KLHL14: variants seen among roughly 807,000 people sequenced by gnomAD.
KLHL14 encodes the protein kelch like family member 14, also known as kelch-like protein 14.
A neutral mutation model predicts 64.3 loss-of-function variants in KLHL14; 22 were observed. The observed-to-expected ratio is 0.34, with a 90% CI of 0.24 to 0.49. The LOEUF (loss-of-function observed/expected upper bound fraction) is 0.49. Among genes scored for constraint, KLHL14 ranks in the 20% least tolerant of loss-of-function variants. The pLI is 0.99. For missense variants in KLHL14, 661 were observed against 789.0 expected (o/e 0.84, Z 1.94); for synonymous variants, 322 against 333.4 (o/e 0.97, Z 0.37).
chr18:32,722,815 C>T (rs551194364), intron 3 of KLHL14, among the ~76,000 whole-genome samples: 4 of 152,176 alleles, frequency 2.6e-5, no homozygotes, highest in South Asian at 4.2e-4. Flanking sequence ...ATTAGCCAGG[C>T]GTGATGGCAC....
Position 32,741,906 on chromosome 18 carries a change from A to T in KLHL14, c.1069+22T>A, listed in dbSNP as rs368927999. On this transcript the variant is annotated intron_variant, in intron 3 of 8. Transcript: ENST00000359358. ...CCTGAAATAAATAGGTGAGTGAATA[A>T]ATAAATAAATAATGCACTCACTTGT... The T allele has an allele frequency of 1.1e-4, 170 of 1,547,102 alleles. No individual in the cohort carries two copies. The African/African-American group carries it at 2.1e-3, about 19-fold the overall frequency.
At chr18:32,760,180 C>G (rs1243329877) in intron 2 of KLHL14, among the ~76,000 whole-genome samples, 1 of 152,092 alleles carries the variant, frequency 6.6e-6, no homozygotes, top group Non-Finnish European at 1.5e-5. Flanking sequence ...CTAATAATTC[C>G]TCACTCAGCA....
intron 3 of KLHL14, among the ~76,000 whole-genome samples, chr18:32,722,026 T>C (rs917431735): frequency 1.3e-5 from 2 of 152,138 alleles, no homozygotes; most frequent in Non-Finnish European, 2.9e-5. Flanking sequence ...GTTCTTGTGA[T>C]AGTGAATAAG....
At chr18:32,745,539 C>T (rs556883231) in intron 2 of KLHL14, 2 of 152,270 alleles carry the variant, frequency 1.3e-5, no homozygotes, top group African/African-American at 4.8e-5. Flanking sequence ...TTACAGAAAA[C>T]TATGAAGATT....
In KLHL14 at chr18:32,674,501, A is replaced by T; in HGVS notation, c.*156T>A. 3.2e-6 allele frequency: 2 copies of T among 627,300 alleles called. No individual in the cohort carries two copies. Among genetic ancestry groups the T allele is most frequent in the South Asian group, 4.2e-5 (2 of 47,786 alleles). The allele number at this position is 627,300 out of a possible 1,614,324, so 38.9% of individuals were successfully genotyped here. A position where few individuals can be genotyped will look rare whatever the true frequency, so the allele number is the denominator to read the frequency against. On this transcript the variant is annotated 3_prime_UTR_variant, in exon 9 of 9. Transcript: ENST00000359358. The stretch of plus-strand genomic sequence containing the variant: ...ATAGACATAGTATCTGTTCAAGAAC[A>T]GGTCTCTTTCTTTTGTAGTTACTTA...
In KLHL14 at chr18:32,680,709, C is replaced by A. The variant is rs183316660; in HGVS notation, c.1239-110G>T. On this transcript the variant is annotated intron_variant, in intron 5 of 8. Coordinates refer to ENST00000359358, the MANE Select transcript of KLHL14 (RefSeq NM_020805.3). This position sits in a 1 kb window ranked among gnomAD's most constrained non-coding sequence, Gnocchi z 4.8. ...TCAGGGAAAGGGGTGCATTCTGCTT[C>A]AGAAAGGGTTGCAAATCTTTAAAAA... 5,674 of 1,053,340 alleles carry A rather than the reference C, an allele frequency of 5.4e-3. 17 individuals carry two copies. Among genetic ancestry groups the A allele is most frequent in the Non-Finnish European group, 6.6e-3 (4,901 of 740,036 alleles). The allele number at this position is 1,053,340 out of a possible 1,614,324, so 65.2% of individuals were successfully genotyped here.
chr18:32,710,480 A>C (rs2050013660), intron 3 of KLHL14, among the ~76,000 whole-genome samples: 1 of 152,188 alleles, frequency 6.6e-6, no homozygotes, highest in Admixed American at 6.5e-5. Flanking sequence ...TGACATTTGC[A>C]TGAGAAGGAT....
chr18:32,716,714 C>A (rs1224748782), intron 3 of KLHL14, among the ~76,000 whole-genome samples: 1 of 152,180 alleles, frequency 6.6e-6, no homozygotes, highest in Non-Finnish European at 1.5e-5. Context: ...CCTCTGCACC[C>A]AGCCCTAGCT....
intron 3 of KLHL14, among the ~76,000 whole-genome samples, chr18:32,708,973 C>T (rs1482965242): frequency 6.6e-6 from 1 of 152,206 alleles, no homozygotes; most frequent in African/African-American, 2.4e-5. Context: ...AGCCTCCTCA[C>T]GGGTCTCCTT....
At chr18:32,759,367 G>A (rs2050301927) in intron 2 of KLHL14, among the ~76,000 whole-genome samples, 2 of 152,154 alleles carry the variant, frequency 1.3e-5, no homozygotes, top group South Asian at 2.1e-4. Flanking sequence ...TATGGAAGTG[G>A]AAGTCCTAAC....
Position 32,770,514 on chromosome 18 carries a change from C to G in KLHL14, c.78G>C (p.Leu26=). ...CGTCGCAAAACAGCTGCTTCCTCCACAGCAGGTTGAGGCCGTGCAGCAGGT... is the reference window on the plus strand; with the variant it reads ...CGTCGCAAAACAGCTGCTTCCTCCAGAGCAGGTTGAGGCCGTGCAGCAGGT... The part of the protein sequence containing the change: ...SDNLLHGLNL[L]WRKQLFCDVT... The change falls in exon 2 of 9, where the codon CTG becomes CTC. Residue 26 remains leucine (L), a synonymous_variant. Coordinates refer to ENST00000359358, the MANE Select transcript of KLHL14 (RefSeq NM_020805.3). This position sits in a 1 kb window ranked among gnomAD's most constrained non-coding sequence, Gnocchi z 6.7. 6.2e-7 allele frequency: 1 copy of G among 1,610,110 alleles called. No homozygotes were observed. The highest frequency in any genetic ancestry group is 1.7e-5 in the Admixed American group (1 of 59,874).
chr18:32,719,084 G>T (rs990398345), intron 3 of KLHL14, among the ~76,000 whole-genome samples: 1 of 152,214 alleles, frequency 6.6e-6, no homozygotes, highest in Non-Finnish European at 1.5e-5. Context: ...GAGTAGCTGG[G>T]ATTGCAGGCA....
intron 5 of KLHL14, among the ~76,000 whole-genome samples, chr18:32,682,521 C>T (rs2049845908): frequency 6.6e-6 from 1 of 152,060 alleles, no homozygotes; most frequent in Admixed American, 6.6e-5. Flanking sequence ...TGCACATGTG[C>T]ATTTTTTGGA....
intron 3 of KLHL14, among the ~76,000 whole-genome samples, chr18:32,697,972 A>G (rs2144488310): frequency 6.6e-6 from 1 of 152,250 alleles, no homozygotes; most frequent in African/African-American, 2.4e-5. Flanking sequence ...TCTTTTCTGA[A>G]TTATTACTGT....
rs1044045784 is a variant in KLHL14, at chr18:32,701,598, A to G, written c.1070-6046T>C. Among the ~76,000 whole-genome samples, 27 of 152,322 alleles carry G rather than the reference A, an allele frequency of 1.8e-4. 2 individuals are homozygous for G. The highest frequency in any genetic ancestry group is 1.3e-3 in the Admixed American group (20 of 15,294). The stretch of plus-strand genomic sequence containing the variant: ...GGATTTTATGCTAAGCATGATAAAA[A>G]GGCATAGGAGGGGTTTAAGTGGCAG... On this transcript the variant is annotated intron_variant, in intron 3 of 8. Transcript: ENST00000359358.
intron 4 of KLHL14, among the ~76,000 whole-genome samples, chr18:32,693,667 T>A (rs1269240261): frequency 1.3e-5 from 2 of 152,118 alleles, no homozygotes; most frequent in African/African-American, 4.8e-5. Flanking sequence ...AGCCCATGAG[T>A]GGCCATGGTG....
intron 2 of KLHL14, among the ~76,000 whole-genome samples, chr18:32,768,638 GA>G (rs1284797725): frequency 2.0e-5 from 3 of 152,148 alleles, no homozygotes; most frequent in African/African-American, 7.2e-5. Flanking sequence ...TCTAAAAAGA[GA>G]AAGAAACCCT....
At chr18:32,727,746 G>A (rs577381407) in intron 3 of KLHL14, among the ~76,000 whole-genome samples, 4 of 152,296 alleles carry the variant, frequency 2.6e-5, no homozygotes, top group African/African-American at 9.6e-5. Flanking sequence ...ATTTGATAAA[G>A]TTAATGATTA....
At chr18:32,677,142 A>G in intron 8 of KLHL14, 31 bp downstream of exon 8, 2 of 1,597,748 alleles carry the variant, frequency 1.3e-6, no homozygotes, top group Non-Finnish European at 1.7e-6. Flanking sequence ...CAAACGAAAT[A>G]AAGGAGGATG....
Sources: allele counts gnomAD v4.1 joint callset (sites outside exome capture counted in the v4.1 genomes callset), GRCh38; gene constraint gnomAD v4.1.1; non-coding constraint Gnocchi (gnomAD v3.1); transcripts MANE v1.5; gene names NCBI Gene and HGNC (gene_info 2026-07-23, HGNC 2026-07-21).